Variants in AOPEP observed in about 807,000 individuals in gnomAD.
AOPEP encodes the protein aminopeptidase O (putative), also known as aminopeptidase O.
A neutral mutation model predicts 98.1 loss-of-function variants in AOPEP; 77 were observed. That is an observed-to-expected ratio of 0.78 (90% CI 0.65 to 0.95). The LOEUF is 0.95. AOPEP is among the 40% of genes least tolerant of loss of function. The probability of loss-of-function intolerance (pLI) is 0.00; values close to 1 mark genes in which losing one functional copy is unlikely to be tolerated. For missense variants in AOPEP, 1,024 were observed against 1,024.7 expected (o/e 1.00, Z 0.01); for synonymous variants, 346 against 365.3 (o/e 0.95, Z 0.60).
chr9:94,780,155 A>G (rs1465207352), intron 3 of AOPEP, among the ~76,000 whole-genome samples: 1 of 152,202 alleles, frequency 6.6e-6, no homozygotes, highest in Non-Finnish European at 1.5e-5. Context: ...TTACAACAGC[A>G]GAGTTGAGTA....
intron 2 of AOPEP, among the ~76,000 whole-genome samples, chr9:94,771,119 A>G (rs1028493709): frequency 3.9e-5 from 6 of 152,158 alleles, no homozygotes; most frequent in African/African-American, 7.2e-5. Flanking sequence ...CACAAGTGGA[A>G]TGTGTAATAA....
chr9:94,763,330 C>T, intron 2 of AOPEP: 1 of 227,560 alleles, frequency 4.4e-6, no homozygotes, highest in Non-Finnish European at 9.4e-6. Flanking sequence ...TAAATTGGTA[C>T]CTTTTCTTTT....
At chr9:95,026,630 G>T (rs140860489) in intron 13 of AOPEP, among the ~76,000 whole-genome samples, 1 of 152,224 alleles carries the variant, frequency 6.6e-6, no homozygotes, top group African/African-American at 2.4e-5. Flanking sequence ...GTTTAGGGCT[G>T]TAGTAATGCT....
chr9:94,770,160 T>C (rs550979954), intron 2 of AOPEP, among the ~76,000 whole-genome samples: 9 of 152,248 alleles, frequency 5.9e-5, no homozygotes, highest in Middle Eastern at 3.2e-3. Context: ...CATGTGCTTA[T>C]GTAAAGCCCT....
intron 5 of AOPEP, chr9:94,921,109 A>T (rs2053557778): frequency 6.6e-6 from 1 of 151,404 alleles, no homozygotes; most frequent in African/African-American, 2.4e-5. Flanking sequence ...CGTTTTTAGG[A>T]TGAAGATGTC....
At chr9:94,755,737 G>A (rs1193224361) in intron 1 of AOPEP, among the ~76,000 whole-genome samples, 2 of 152,178 alleles carry the variant, frequency 1.3e-5, no homozygotes, top group Non-Finnish European at 2.9e-5. Flanking sequence ...CCTGGGAGAT[G>A]AGAATTCCAA....
chr9:95,144,910 G>A, the AOPEP span, among the ~76,000 whole-genome samples: 5 of 152,032 alleles, frequency 3.3e-5, no homozygotes, highest in Admixed American at 1.3e-4. Flanking sequence ...CAAACATAAC[G>A]CTCGGACTCC....
At chr9:95,105,674 T>C in the AOPEP span, among the ~76,000 whole-genome samples, 1 of 152,192 alleles carries the variant, frequency 6.6e-6, no homozygotes, top group Non-Finnish European at 1.5e-5. Flanking sequence ...TGGGAAACTC[T>C]AGCACTTCCT....
chr9:95,011,722 G>C (rs2132910055), intron 13 of AOPEP, among the ~76,000 whole-genome samples: 1 of 152,178 alleles, frequency 6.6e-6, no homozygotes, highest in African/African-American at 2.4e-5. Context: ...TGAGGCAGTA[G>C]AATCGCTTGA....
intron 7 of AOPEP, among the ~76,000 whole-genome samples, chr9:94,954,148 C>T (rs1486581274): frequency 3.3e-5 from 5 of 152,190 alleles, no homozygotes; most frequent in African/African-American, 1.2e-4. Context: ...CATGGCGAAA[C>T]CCCATCTCTA....
intron 1 of AOPEP, among the ~76,000 whole-genome samples, chr9:94,743,785 G>A (rs779606860): frequency 1.8e-4 from 28 of 152,162 alleles, no homozygotes; most frequent in Non-Finnish European, 3.1e-4. Flanking sequence ...CAGCAGATAA[G>A]GTCATTAGGA....
At chr9:95,138,489 C>G in the AOPEP span, among the ~76,000 whole-genome samples, 506 of 152,284 alleles carry the variant, frequency 3.3e-3, 9 homozygotes, top group East Asian at 0.043. Flanking sequence ...CATCATGGAG[C>G]CAGGAAGCTC....
intron 13 of AOPEP, chr9:95,022,159 G>C (rs978425289): frequency 5.9e-5 from 9 of 152,234 alleles, no homozygotes; most frequent in African/African-American, 2.2e-4. Flanking sequence ...AAAGAGAGGA[G>C]GCATATTATA....
chr9:94,815,613 G>T (rs933501712), intron 5 of AOPEP, among the ~76,000 whole-genome samples: 1 of 152,060 alleles, frequency 6.6e-6, no homozygotes, highest in African/African-American at 2.4e-5. Flanking sequence ...TCCCCTGCTT[G>T]CAGTGAGGAC....
In AOPEP at chr9:94,893,436, G is replaced by T. The variant is rs182243551; in HGVS notation, c.1365-30550G>T. On this transcript the variant is annotated intron_variant, in intron 5 of 16. Coordinates refer to ENST00000375315, the MANE Select transcript of AOPEP (RefSeq NM_001193329.3). ...TGGCCTGGTTTCATGGATGAGTCCA[G>T]ACTCGAGCCTGAAAAGGTAAGTATA... Among the ~76,000 whole-genome samples, 97 of 152,272 alleles carry T rather than the reference G, an allele frequency of 6.4e-4. No individual in the cohort carries two copies. In the East Asian group the frequency reaches 0.016, roughly 25 times the overall value.
At chr9:95,104,347 G>T in the AOPEP span, among the ~76,000 whole-genome samples, 1 of 152,240 alleles carries the variant, frequency 6.6e-6, no homozygotes, top group Non-Finnish European at 1.5e-5. Context: ...GTCAGTGCAT[G>T]AGCGCCACAC....
rs56255048 is a variant in AOPEP at position 94,839,210 on chromosome 9, C to T, written c.1364+38208C>T. 6.2e-3 allele frequency among the ~76,000 whole-genome samples: 943 copies of T among 152,100 alleles called. 12 individuals are homozygous for T. Among genetic ancestry groups the T allele is most frequent in the South Asian group, 0.044 (212 of 4,810 alleles). On this transcript the variant is annotated intron_variant, in intron 5 of 16. Coordinates refer to ENST00000375315, the MANE Select transcript of AOPEP (RefSeq NM_001193329.3). ...ACGCCATTCTCCTGCCTCAGCCTCCCGAGTAGGTGGGACTACAGGCGCCCA... is the reference window on the plus strand; with the variant it reads ...ACGCCATTCTCCTGCCTCAGCCTCCTGAGTAGGTGGGACTACAGGCGCCCA...
At chr9:95,080,539 AT>A (rs756293457) in intron 14 of AOPEP, among the ~76,000 whole-genome samples, 154 bp from the exon 15 acceptor site, 16 of 152,162 alleles carry the variant, frequency 1.1e-4, no homozygotes, top group South Asian at 2.1e-4. Context: ...AGTAAAAAAA[AT>A]ATACTAAAAG....
In AOPEP at chr9:94,778,320, G is replaced by C. The variant is rs181583329; in HGVS notation, c.964+5152G>C. Among the ~76,000 whole-genome samples the C allele has an allele frequency of 6.6e-4, 100 of 151,966 alleles. No homozygotes were observed. The East Asian group carries it at 0.016, about 25-fold the overall frequency. On this transcript the variant is annotated intron_variant, in intron 3 of 16. Coordinates refer to ENST00000375315, the MANE Select transcript of AOPEP (RefSeq NM_001193329.3). ...TTACCCAAGAGAAATGAAAACCTACGTCCACAAAACGATTAATACCTGATT... is the reference window on the plus strand; with the variant it reads ...TTACCCAAGAGAAATGAAAACCTACCTCCACAAAACGATTAATACCTGATT...
Sources: allele counts gnomAD v4.1 joint callset (sites outside exome capture counted in the v4.1 genomes callset), GRCh38; gene constraint gnomAD v4.1.1; transcripts MANE v1.5; gene names NCBI Gene and HGNC (gene_info 2026-07-23, HGNC 2026-07-21).